SLC26A5: variants seen among roughly 807,000 people sequenced by gnomAD.
The protein encoded by SLC26A5 is solute carrier family 26 member 5, also known as prestin.
SLC26A5 carries 51 observed loss-of-function variants against 81.0 expected under a neutral mutation model. The ratio of observed to expected loss-of-function variants is 0.63; its 90% CI spans 0.50 to 0.80. The LOEUF is 0.80. Ranked by LOEUF, SLC26A5 falls within the 30% of genes least tolerant of loss-of-function variation. SLC26A5 has a pLI of 0.00. For synonymous variants in SLC26A5, 325 were observed against 332.8 expected (o/e 0.98, Z 0.25); for missense variants, 771 against 905.8 (o/e 0.85, Z 1.91).
chr7:103,402,274 CT>C (rs1823658982), intron 8 of SLC26A5, among the ~76,000 whole-genome samples: 1 of 152,066 alleles, frequency 6.6e-6, no homozygotes, highest in South Asian at 2.1e-4. Context: ...CAAGTTCCCC[CT>C]GGTTTAGTCT....
intron 19 of SLC26A5, chr7:103,362,053 G>C: frequency 6.2e-7 from 1 of 1,613,330 alleles, no homozygotes; most frequent in African/African-American, 1.3e-5. Flanking sequence ...GTGATCAGGT[G>C]GCACCTACTG....
At chr7:103,402,349 G>A (rs1823665458) in intron 8 of SLC26A5, among the ~76,000 whole-genome samples, 1 of 151,394 alleles carries the variant, frequency 6.6e-6, no homozygotes, top group African/African-American at 2.4e-5. Context: ...AATTTGCATA[G>A]AGGTGTTTAT....
At chr7:103,362,403 G>A (rs908229155) in intron 19 of SLC26A5, 4 of 1,340,182 alleles carry the variant, frequency 3.0e-6, no homozygotes, top group Non-Finnish European at 3.8e-6. Flanking sequence ...GATGCTAAGT[G>A]TGTTAATGTC....
At chr7:103,413,535 TGACTCTTAGATATCCCTCCTCC>T (rs1212750741) in intron 4 of SLC26A5, among the ~76,000 whole-genome samples, 4 of 152,138 alleles carry the variant, frequency 2.6e-5, no homozygotes, top group South Asian at 2.1e-4. Context: ...TCCCTCCTCC[TGACTCTTAGATATCCCTCCTCC>T]GACTCTTATC....
At chr7:103,389,471 G>C (rs1586245916) in intron 12 of SLC26A5, 47 bp from the exon 13 acceptor site, 1 of 1,413,376 alleles carries the variant, frequency 7.1e-7, no homozygotes, top group Non-Finnish European at 1.0e-6. Flanking sequence ...TGTCCACAGA[G>C]TGTCCTTTGC....
At chr7:103,393,158 T>G in intron 9 of SLC26A5, 92 bp from the exon 10 acceptor site, 1 of 1,471,062 alleles carries the variant, frequency 6.8e-7, no homozygotes, top group Non-Finnish European at 9.3e-7. Context: ...TAGGGGGGCA[T>G]TATCTGCAAA....
At chr7:103,374,675 TG>T in intron 19 of SLC26A5, 83 bp from the exon 20 acceptor site, 9 of 1,224,990 alleles carry the variant, frequency 7.3e-6, no homozygotes, top group African/African-American at 3.1e-5. Context: ...TTCCATATAG[TG>T]TTTTTTTTTT....
At chr7:103,436,485 T>C (rs1173999538) in intron 2 of SLC26A5, among the ~76,000 whole-genome samples, 2 of 152,190 alleles carry the variant, frequency 1.3e-5, no homozygotes, top group African/African-American at 4.8e-5. Context: ...TCCCCACTGA[T>C]AGTTGAAACC....
chr7:103,398,304 C>A (rs528902157), intron 8 of SLC26A5, among the ~76,000 whole-genome samples: 60 of 152,252 alleles, frequency 3.9e-4, no homozygotes, highest in South Asian at 2.3e-3. Context: ...GGCCATAAAG[C>A]CTTTCAAACG....
chr7:103,358,027 C>T (rs1820142881), intron 19 of SLC26A5, among the ~76,000 whole-genome samples: 1 of 152,176 alleles, frequency 6.6e-6, no homozygotes, highest in South Asian at 2.1e-4. Context: ...CTGGAGATTG[C>T]CCTTTACCTC....
chr7:103,378,822 G>A (rs972458712), intron 16 of SLC26A5, among the ~76,000 whole-genome samples: 4 of 152,112 alleles, frequency 2.6e-5, no homozygotes, highest in Non-Finnish European at 5.9e-5. Context: ...GATCTGTCAG[G>A]TTGTTATATT....
intron 19 of SLC26A5, chr7:103,362,794 CT>C (rs368268286): frequency 0.19 from 159,324 of 819,314 alleles, 4 homozygotes; most frequent in Middle Eastern, 0.21. Flanking sequence ...AAGGCTATGT[CT>C]TTTTTTTTTT....
Position 103,420,765 on chromosome 7 carries a change from T to TTA in SLC26A5, c.263_264dup (p.Ser89Ter), listed in dbSNP as rs778754984. On this transcript the variant is annotated frameshift_variant, in exon 4 of 20. Transcript: ENST00000306312. LOFTEE classifies it high-confidence loss of function. ...TGAGGAAGCTGAAGCACCCCTGTGC[T>TTA]TATGCCTGAGACCAAGTCACCCAAC... 1.1e-5 allele frequency: 18 copies of TTA among 1,614,050 alleles called. No individual in the cohort carries two copies. The highest frequency in any genetic ancestry group is 5.1e-6 in the Non-Finnish European group (6 of 1,180,028).
At chr7:103,409,181 T>C (rs750558022) in intron 7 of SLC26A5, among the ~76,000 whole-genome samples, 17 of 152,244 alleles carry the variant, frequency 1.1e-4, no homozygotes, top group South Asian at 2.1e-4. Flanking sequence ...ACTACACATG[T>C]ATGCGATTAA....
chr7:103,375,291 T>A (rs184075748), intron 19 of SLC26A5, among the ~76,000 whole-genome samples: 1 of 151,842 alleles, frequency 6.6e-6, no homozygotes, highest in Non-Finnish European at 1.5e-5. Context: ...GGTACTTGAG[T>A]TTTTTGTTTT....
chr7:103,378,901 A>G lies in SLC26A5; in HGVS notation c.1677+342T>C, dbSNP rs1821562755. On this transcript the variant is annotated intron_variant, in intron 16 of 19. Coordinates refer to ENST00000306312, the MANE Select transcript of SLC26A5 (RefSeq NM_198999.3). ...CGTGGTGTAGGGTTGAGTTCTAAACATGACCAAAGGAATCTACATGATCCC... is the reference window on the plus strand; with the variant it reads ...CGTGGTGTAGGGTTGAGTTCTAAACGTGACCAAAGGAATCTACATGATCCC... Among the ~76,000 whole-genome samples the G allele has an allele frequency of 3.9e-5, 6 of 152,126 alleles. No individual in the cohort carries two copies. In the South Asian group the frequency reaches 1.2e-3, roughly 32 times the overall value.
intron 8 of SLC26A5, among the ~76,000 whole-genome samples, chr7:103,403,133 C>T (rs1434303313): frequency 1.3e-5 from 2 of 152,094 alleles, no homozygotes; most frequent in Admixed American, 1.3e-4. Context: ...GTTATTTACC[C>T]AGTAGTCATT....
intron 6 of SLC26A5, 136 bp downstream of exon 6, chr7:103,411,284 C>T: frequency 1.1e-6 from 1 of 920,878 alleles, no homozygotes. Flanking sequence ...TGCAGTTGGT[C>T]TGCAGTTACT....
chr7:103,388,575 A>C (rs188273262), intron 14 of SLC26A5: 1 of 310,866 alleles, frequency 3.2e-6, no homozygotes, highest in East Asian at 8.0e-5. Context: ...ATAACAAGGG[A>C]AAGTGGTTCA....
Sources: gnomAD v4.1 joint callset for allele counts (sites outside exome capture counted in the v4.1 genomes callset) on GRCh38, gnomAD v4.1.1 for gene constraint, MANE v1.5 for transcripts, NCBI Gene and HGNC (gene_info 2026-07-23, HGNC 2026-07-21) for gene names.